PACS1: variants seen among roughly 807,000 people sequenced by gnomAD.
PACS1 encodes PACS-1.
In PACS1, 24 loss-of-function variants were observed where a neutral mutation model predicts 115.0. The observed-to-expected ratio is 0.21, with a 90% CI of 0.15 to 0.29. The LOEUF is 0.29. Ranked by LOEUF, PACS1 falls within the 10% of genes least tolerant of loss-of-function variation. PACS1 has a pLI of 1.00. For missense variants in PACS1, 838 were observed against 1,251.2 expected (o/e 0.67, Z 4.98); for synonymous variants, 453 against 504.5 (o/e 0.90, Z 1.37).
chr11:66,115,762 C>T (rs1388619958), intron 1 of PACS1, among the ~76,000 whole-genome samples: 2 of 152,192 alleles, frequency 1.3e-5, no homozygotes, highest in African/African-American at 2.4e-5. Context: ...TAGCTGACCT[C>T]GGTATTAACC....
intron 1 of PACS1, chr11:66,084,062 G>C (rs1857528103): frequency 6.6e-6 from 1 of 152,498 alleles, no homozygotes; most frequent in Admixed American, 6.5e-5. Flanking sequence ...TCTGGGGACA[G>C]GGTGGGCAGC....
chr11:66,221,287 G>T, intron 10 of PACS1, 40 bp downstream of exon 10: 2 of 1,538,228 alleles, frequency 1.3e-6, no homozygotes, highest in Non-Finnish European at 1.8e-6. Flanking sequence ...TGGGACCGTG[G>T]CATGTCAGGG....
rs1337108764 is a variant in PACS1, at chr11:66,114,190, G to A, written c.356+43348G>A. Among the ~76,000 whole-genome samples, 11 of 151,972 alleles carry A rather than the reference G, an allele frequency of 7.2e-5. No homozygotes were observed. The South Asian group carries it at 1.5e-3, about 20-fold the overall frequency. On this transcript the variant is annotated intron_variant, in intron 1 of 23. Transcript: ENST00000320580. ...TCCCAGCACTTTGGGAGGCCGAGGC[G>A]GGCGGATCACAAGGTCAAGAGATCG...
At chr11:66,220,847 C>G in intron 9 of PACS1, 56 bp downstream of exon 9, 1 of 1,546,894 alleles carries the variant, frequency 6.5e-7, no homozygotes, top group African/African-American at 1.4e-5. Context: ...CCATAGCAGT[C>G]TCCTGACCCC....
chr11:66,217,547 G>A (rs1361707761), intron 7 of PACS1: 3 of 456,072 alleles, frequency 6.6e-6, no homozygotes, highest in Non-Finnish European at 1.3e-5. Context: ...GAGCCGAGAT[G>A]CCCACCCCTT....
chr11:66,186,296 A>T (rs1008287645), intron 1 of PACS1, among the ~76,000 whole-genome samples: 1 of 151,020 alleles, frequency 6.6e-6, no homozygotes, highest in African/African-American at 2.4e-5. Context: ...AAAAAGCCAC[A>T]TCTTGCGTAT....
rs1590844489 is a variant in PACS1 at position 66,241,415 on chromosome 11, C to T, written c.2430-12C>T. ...GCAGAGCTGACCTCTCCTCTTTGTT[C>T]CCTTTCCTCAGGAGCCCTAATAGCC... On this transcript the variant is annotated splice_polypyrimidine_tract_variant and intron_variant, in intron 21 of 23. Transcript: ENST00000320580. 1 of 1,565,668 alleles carries T rather than the reference C, an allele frequency of 6.4e-7. No homozygotes were observed. The highest frequency in any genetic ancestry group is 1.3e-5 in the African/African-American group (1 of 74,146).
chr11:66,180,360 T>TGTG (rs200223128), intron 1 of PACS1, among the ~76,000 whole-genome samples: 1 of 151,428 alleles, frequency 6.6e-6, no homozygotes, highest in Admixed American at 6.6e-5. Flanking sequence ...GCTTTTTTTT[T>TGTG]TGTGTGTGTG....
chr11:66,149,187 T>C (rs896821697), intron 1 of PACS1, among the ~76,000 whole-genome samples: 4 of 149,956 alleles, frequency 2.7e-5, no homozygotes, highest in Non-Finnish European at 5.9e-5. Flanking sequence ...CTCTGCCTCC[T>C]GGATTCAAGC....
At chr11:66,229,256 A>G (rs746155952) in intron 11 of PACS1, among the ~76,000 whole-genome samples, 56 of 150,952 alleles carry the variant, frequency 3.7e-4, no homozygotes, top group Non-Finnish European at 6.9e-4. Flanking sequence ...AAAATTAGCC[A>G]GGCATGCTGA....
chr11:66,077,674 T>C (rs1439591493), intron 1 of PACS1, among the ~76,000 whole-genome samples: 2 of 151,812 alleles, frequency 1.3e-5, no homozygotes, highest in East Asian at 3.9e-4. Flanking sequence ...TTATTTAATT[T>C]TGTGCAGATC....
intron 1 of PACS1, among the ~76,000 whole-genome samples, chr11:66,164,577 T>A (rs1859556974): frequency 7.0e-6 from 1 of 143,702 alleles, no homozygotes. Flanking sequence ...ATATATATAT[T>A]TTATATATGT....
chr11:66,181,424 G>C (rs1860009676), intron 1 of PACS1, among the ~76,000 whole-genome samples: 1 of 151,812 alleles, frequency 6.6e-6, no homozygotes, highest in Non-Finnish European at 1.5e-5. Context: ...ATGTTGGCCA[G>C]GCTGGTCTTG....
intron 1 of PACS1, among the ~76,000 whole-genome samples, chr11:66,100,172 G>A (rs1359846990): frequency 1.3e-5 from 2 of 152,142 alleles, no homozygotes; most frequent in Non-Finnish European, 2.9e-5. Flanking sequence ...GGGCCACCAC[G>A]CCTGCCTTTT....
intron 1 of PACS1, among the ~76,000 whole-genome samples, chr11:66,182,372 A>C (rs1860030092): frequency 6.6e-6 from 1 of 152,178 alleles, no homozygotes; most frequent in South Asian, 2.1e-4. Flanking sequence ...GTTTAGGCTT[A>C]AGTTTTTTCT....
chr11:66,116,082 G>A (rs1858299508), intron 1 of PACS1, among the ~76,000 whole-genome samples: 1 of 152,238 alleles, frequency 6.6e-6, no homozygotes, highest in African/African-American at 2.4e-5. Flanking sequence ...TGTTGCAAAG[G>A]AATGTGTCGC....
At chr11:66,104,173 A>T (rs553668215) in intron 1 of PACS1, among the ~76,000 whole-genome samples, 63 of 152,326 alleles carry the variant, frequency 4.1e-4, no homozygotes, top group African/African-American at 1.5e-3. Context: ...AAGGGAATTC[A>T]GATAGAGGGA....
Position 66,235,356 on chromosome 11 carries a change from A to G in PACS1, c.2160A>G (p.Thr720=). The G allele has an allele frequency of 6.2e-7, 1 of 1,614,102 alleles. No individual in the cohort carries two copies. The highest frequency in any genetic ancestry group is 8.5e-7 in the Non-Finnish European group (1 of 1,179,962). The change falls in exon 18 of 24, where the codon ACA becomes ACG. Residue 720 remains threonine, a synonymous_variant. Transcript: ENST00000320580. The surrounding 1 kb of genome is among the most constrained non-coding windows in gnomAD (Gnocchi z 5.6). ...VMQYVNGAAT[T]HQLPVAEAML... is the part of the protein sequence containing the mutation. ...AGTACGTCAACGGGGCAGCCACGAC[A>G]CACCAGCTTCCCGTGGCCGAAGCCA...
Position 66,239,146 on chromosome 11 carries a change from T to G in PACS1, c.2298T>G (p.Asp766Glu). The change falls in exon 21 of 24, where the codon GAT becomes GAG. Residue 766 changes from aspartate to glutamate, a missense_variant. Around this residue, in one of 6 missense-constraint regions of PACS1, gnomAD observed 383 missense variants for 537.0 expected, o/e 0.71. Transcript: ENST00000320580. ...LVEDSPSTAG[D>E]GDDSPVVSLT... ...TTGTCGTTTGTCCCCTGACAGGCGA[T>G]GGGGACGATTCTCCTGTGGTCAGCC... is the stretch of plus-strand genomic sequence containing the variant. The G allele has an allele frequency of 6.2e-7, 1 of 1,614,166 alleles. No homozygotes were observed. Among genetic ancestry groups the G allele is most frequent in the African/African-American group, 1.3e-5 (1 of 75,066 alleles).
Sources: gnomAD v4.1 joint callset for allele counts (sites outside exome capture counted in the v4.1 genomes callset) on GRCh38, gnomAD v4.1.1 for gene constraint, gnomAD v4.1.1 regional missense constraint, Gnocchi (gnomAD v3.1) non-coding constraint, MANE v1.5 for transcripts, NCBI Gene and HGNC (gene_info 2026-07-23, HGNC 2026-07-21) for gene names.